WBP2: variants seen among roughly 807,000 people sequenced by gnomAD.
WBP2 encodes the protein WW domain binding protein 2, also known as WW domain-binding protein 2.
A neutral mutation model predicts 33.0 loss-of-function variants in WBP2; 23 were observed. That is an observed-to-expected ratio of 0.70 (90% CI 0.50 to 0.99). The LOEUF (loss-of-function observed/expected upper bound fraction) is 0.99. Ranked by LOEUF, WBP2 falls within the 50% of genes least tolerant of loss-of-function variation. The pLI, the probability that WBP2 is intolerant of heterozygous loss-of-function variation, is 0.00. For synonymous variants in WBP2, 153 were observed against 133.5 expected (o/e 1.15, Z -1.01); for missense variants, 353 against 358.0 (o/e 0.99, Z 0.11).
At chr17:75,847,954 A>T in intron 4 of WBP2, 24 bp from the exon 5 acceptor site, 5 of 1,559,496 alleles carry the variant, frequency 3.2e-6, no homozygotes, top group Non-Finnish European at 4.3e-6. Context: ...GGGAAAGAGA[A>T]ATGAGCGTGG....
Position 75,846,687 on chromosome 17 carries a change from G to A in WBP2, c.*47C>T. On this transcript the variant is annotated 3_prime_UTR_variant, in exon 8 of 8. Coordinates refer to ENST00000254806, the MANE Select transcript of WBP2 (RefSeq NM_012478.4). The surrounding 1 kb of genome is among the most constrained non-coding windows in gnomAD (Gnocchi z 4.8). The stretch of plus-strand genomic sequence containing the variant: ...AAGCCCCAGCACAGCCCCGATGGGA[G>A]GGGTAGGGTAGAGAGATGAGGGTGG... 8.0e-6 allele frequency: 12 copies of A among 1,501,672 alleles called. No individual in the cohort carries two copies. The highest frequency in any genetic ancestry group is 8.9e-6 in the Non-Finnish European group (10 of 1,120,506). 93.0% of individuals were successfully genotyped at this position (1,501,672 alleles called of 1,614,324 possible). A position where few individuals can be genotyped will look rare whatever the true frequency, so the allele number is the denominator to read the frequency against.
Position 75,848,204 on chromosome 17 carries a change from T to A in WBP2, c.398-274A>T, listed in dbSNP as rs546911853. 767 of 592,662 alleles carry A rather than the reference T, an allele frequency of 1.3e-3. 1 individual carries two copies. The highest frequency in any genetic ancestry group is 2.0e-3 in the Non-Finnish European group (664 of 333,314). 36.7% of individuals were successfully genotyped at this position (592,662 alleles called of 1,614,324 possible). ...CCGGGAGGGAGGCTCAGGGCTGGGG[T>A]AGGAGTGAGCTGGCGGAGGATGTCT... On this transcript the variant is annotated intron_variant, in intron 4 of 7. Coordinates refer to ENST00000254806, the MANE Select transcript of WBP2 (RefSeq NM_012478.4).
chr17:75,855,474 C>T (rs2065053305), upstream of WBP2: 5 of 643,344 alleles, frequency 7.8e-6, no homozygotes, highest in Non-Finnish European at 8.2e-6. Context: ...CTTCCAGTTC[C>T]TCCTGCGCAA....
rs529924909 is a variant in WBP2, at chr17:75,849,062, C to T, written c.305-400G>A. The T allele has an allele frequency of 3.1e-5, 9 of 286,412 alleles. No individual in the cohort carries two copies. The East Asian group carries it at 4.3e-4, about 14-fold the overall frequency. The allele number at this position is 286,412 out of a possible 1,614,324, so 17.7% of individuals were successfully genotyped here. A position where few individuals can be genotyped will look rare whatever the true frequency, so the allele number is the denominator to read the frequency against. The stretch of plus-strand genomic sequence containing the variant: ...ACCTTAAAATTCAGAGCAGACCTCT[C>T]GTCCTAAGGGGGCCCAAGGACAGAC... On this transcript the variant is annotated intron_variant, in intron 3 of 7. Coordinates refer to ENST00000254806, the MANE Select transcript of WBP2 (RefSeq NM_012478.4).
rs143823210 is a variant in WBP2 at position 75,847,616 on chromosome 17, G to A, written c.533-7C>T. ...GGGGGTCCTGGATAGAACTCTGCTC[G>A]GTGAGAGAGTAACAAGGACATGGTG... On this transcript the variant is annotated splice_polypyrimidine_tract_variant and splice_region_variant and intron_variant, in intron 5 of 7. Transcript: ENST00000254806. 5.1e-4 allele frequency: 817 copies of A among 1,612,952 alleles called. No individual in the cohort carries two copies. In the African/African-American group the frequency reaches 7.8e-3, roughly 15 times the overall value.
chr17:75,848,893 A>G, intron 3 of WBP2: 1 of 570,126 alleles, frequency 1.8e-6, no homozygotes. Flanking sequence ...CTTTGGAACA[A>G]TGGCCTCTCC....
In WBP2 at chr17:75,847,847, T is replaced by C; in HGVS notation, c.481A>G (p.Asn161Asp). ...GAYVYPPPVA[N>D]GMYPCPPGYP... The stretch of plus-strand genomic sequence containing the variant: ...CCAGGAGGGCAGGGGTACATTCCAT[T>C]GGCGACTGGCGGGGGATAGACATAG... Residue 161 changes from asparagine to aspartate, a missense_variant, in exon 5 of 8, where the codon AAT (asparagine) becomes GAT (aspartate). Transcript: ENST00000254806. The C allele has an allele frequency of 6.4e-7, 1 of 1,557,200 alleles. No homozygotes were observed. The highest frequency in any genetic ancestry group is 8.7e-7 in the Non-Finnish European group (1 of 1,150,246).
chr17:75,855,471 T>G, upstream of WBP2: 1 of 648,918 alleles, frequency 1.5e-6, no homozygotes, highest in Non-Finnish European at 2.7e-6. Context: ...CTCCTTCCAG[T>G]TCCTCCTGCG....
intron 3 of WBP2, chr17:75,849,056 A>C: frequency 1.1e-5 from 3 of 284,844 alleles, no homozygotes; most frequent in East Asian, 8.7e-5. Context: ...TTCAGAGCAG[A>C]CCTCTCGTCC....
chr17:75,848,065 AC>A, intron 4 of WBP2, 135 bp from the exon 5 acceptor site: 1 of 1,212,500 alleles, frequency 8.2e-7, no homozygotes, highest in South Asian at 1.4e-5. Context: ...ATCCCACTCC[AC>A]CCTCCACCCA....
chr17:75,847,553 G>GTGGGGGC lies in WBP2; in HGVS notation c.582_588dup (p.Pro197AlafsTer64), dbSNP rs750972615. 1 of 1,603,394 alleles carries GTGGGGGC rather than the reference G, an allele frequency of 6.2e-7. No individual in the cohort carries two copies. Among genetic ancestry groups the GTGGGGGC allele is most frequent in the South Asian group, 1.1e-5 (1 of 89,996 alleles). Reference sequence around the variant, plus strand: ...TCCATGGGCCCAGGGTAGGGCGGTGGTGGGGGCTGCACGTATCCCATGGCC... The same window carrying GTGGGGGC: ...TCCATGGGCCCAGGGTAGGGCGGTGGTGGGGGCTGGGGGCTGCACGTATCCCATGGCC... On this transcript the variant is annotated frameshift_variant, in exon 6 of 8. Coordinates refer to ENST00000254806, the MANE Select transcript of WBP2 (RefSeq NM_012478.4). LOFTEE classifies it high-confidence loss of function.
chr17:75,847,883 G>A lies in WBP2; in HGVS notation c.445C>T (p.Pro149Ser), dbSNP rs1444168162. 1.3e-6 allele frequency: 2 copies of A among 1,557,724 alleles called. No homozygotes were observed. The highest frequency in any genetic ancestry group is 2.4e-5 in the East Asian group (1 of 41,316). Reference protein sequence around the residue: ...PSGAYGYSYMPSGAYVYPPPV... With the variant: ...PSGAYGYSYMSSGAYVYPPPV... ...GGGGGATAGACATAGGCCCCGCTGG[G>A]CATGTAAGAGTAGCCATAGGCTCCA... Residue 149 changes from proline (P) to serine (S), a missense_variant, in exon 5 of 8, where the codon CCC becomes TCC. Coordinates refer to ENST00000254806, the MANE Select transcript of WBP2 (RefSeq NM_012478.4).
chr17:75,849,962 G>C (rs2065017796), intron 2 of WBP2, among the ~76,000 whole-genome samples: 1 of 152,204 alleles, frequency 6.6e-6, no homozygotes. Context: ...AAACGTGCTG[G>C]TCACAGATAG....
At position 75,847,821 on chromosome 17, in the gene WBP2, G is replaced by A; in HGVS notation, c.507C>T (p.Gly169=). The change falls in exon 5 of 8, where the codon GGC becomes GGT. Residue 169 remains glycine, a synonymous_variant. Coordinates refer to ENST00000254806, the MANE Select transcript of WBP2 (RefSeq NM_012478.4). ...VANGMYPCPP[G]YPYPPPPPEF... ...CAGGTGGGGGCGGTGGATAGGGGTA[G>A]CCAGGAGGGCAGGGGTACATTCCAT... The A allele has an allele frequency of 6.4e-7, 1 of 1,558,440 alleles. No individual in the cohort carries two copies. The highest frequency in any genetic ancestry group is 8.7e-7 in the Non-Finnish European group (1 of 1,150,722).
intron 1 of WBP2, chr17:75,852,870 G>T (rs1599425437): frequency 2.2e-6 from 2 of 889,736 alleles, no homozygotes; most frequent in African/African-American, 3.6e-5. Context: ...ACAATAGGAC[G>T]TCCTTCGGGG....
At chr17:75,849,942 C>T (rs1599422947) in intron 2 of WBP2, among the ~76,000 whole-genome samples, 1 of 152,334 alleles carries the variant, frequency 6.6e-6, no homozygotes, top group South Asian at 2.1e-4. Context: ...AGCTCACGCA[C>T]ACGGGAGAAA....
chr17:75,852,983 A>G (rs953466604), intron 1 of WBP2, among the ~76,000 whole-genome samples: 3 of 152,184 alleles, frequency 2.0e-5, no homozygotes, highest in Non-Finnish European at 4.4e-5. Context: ...AGGAGAGTCC[A>G]CAGCTTTCAT....
chr17:75,855,404 A>G, upstream of WBP2: 1 of 1,350,846 alleles, frequency 7.4e-7, no homozygotes, highest in South Asian at 1.2e-5. Context: ...TCAAAGCTCG[A>G]GTGCGGAGGC....
chr17:75,852,455 AT>A (rs542570102), intron 1 of WBP2: 5,192 of 137,752 alleles, frequency 0.038, 64 homozygotes, highest in Non-Finnish European at 0.044. Context: ...TATTTTCTTT[AT>A]TTTTTTTTTT....
Sources: allele counts gnomAD v4.1 joint callset (sites outside exome capture counted in the v4.1 genomes callset), GRCh38; gene constraint gnomAD v4.1.1; non-coding constraint Gnocchi (gnomAD v3.1); transcripts MANE v1.5; gene names NCBI Gene and HGNC (gene_info 2026-07-23, HGNC 2026-07-21).